Variants in LRP1B observed in about 807,000 individuals in gnomAD.
LRP1B encodes the protein LDL receptor related protein 1B, also known as low-density lipoprotein receptor-related protein 1B.
In LRP1B, 217 loss-of-function variants were observed where a neutral mutation model predicts 556.6. The ratio of observed to expected loss-of-function variants is 0.39; its 90% CI spans 0.35 to 0.44. LRP1B has a LOEUF of 0.44. Ranked by LOEUF, LRP1B falls within the 20% of genes least tolerant of loss-of-function variation. LRP1B has a pLI of 1.00. For synonymous variants in LRP1B, 2,047 were observed against 1,865.8 expected (o/e 1.10, Z -2.50); for missense variants, 5,053 against 5,620.8 (o/e 0.90, Z 3.23).
chr2:140,851,808 A>C lies in LRP1B; in HGVS notation c.4580-25T>G, dbSNP rs765856379. The C allele has an allele frequency of 1.9e-6, 3 of 1,578,426 alleles. No homozygotes were observed. In the African/African-American group the frequency reaches 4.1e-5, roughly 22 times the overall value. ...GCTGTAATTACACAGTGAAATATGA[A>C]CAGTGAAGAAGGAAGAATGTATTAG... On this transcript the variant is annotated intron_variant, in intron 27 of 90. Transcript: ENST00000389484.
At chr2:141,643,773 G>T (rs1866029) in intron 2 of LRP1B, among the ~76,000 whole-genome samples, 90,690 of 151,928 alleles carry the variant, frequency 0.6, 27,309 homozygotes, top group African/African-American at 0.67. Flanking sequence ...GATAGAGGAC[G>T]ATGCTGTGAC....
chr2:140,929,998 G>C (rs1695003483), intron 20 of LRP1B, among the ~76,000 whole-genome samples: 1 of 151,996 alleles, frequency 6.6e-6, no homozygotes, highest in South Asian at 2.1e-4. Flanking sequence ...GTTAACTGTT[G>C]TTGATTTTCC....
At chr2:140,709,221 G>T (rs897804126) in intron 37 of LRP1B, among the ~76,000 whole-genome samples, 1 of 152,064 alleles carries the variant, frequency 6.6e-6, no homozygotes, top group East Asian at 1.9e-4. Context: ...TGCTTAAAAG[G>T]AAATAAAATT....
At position 140,724,192 on chromosome 2, in the gene LRP1B, A is replaced by C. The variant is rs1184139577; in HGVS notation, c.5759-7376T>G. Reference sequence around the variant, plus strand: ...AGAGTTTATATACAATTCATTAAGAAGCTCAAGTTTGTCTGGGCACAGTGG... The same window carrying C: ...AGAGTTTATATACAATTCATTAAGACGCTCAAGTTTGTCTGGGCACAGTGG... On this transcript the variant is annotated intron_variant, in intron 35 of 90. Coordinates refer to ENST00000389484, the MANE Select transcript of LRP1B (RefSeq NM_018557.3). 2.0e-5 allele frequency among the ~76,000 whole-genome samples: 3 copies of C among 152,312 alleles called. No homozygotes were observed. In the East Asian group the frequency reaches 5.8e-4, roughly 29 times the overall value.
At chr2:141,167,305 G>GA (rs1398401789) in intron 7 of LRP1B, 1 of 151,810 alleles carries the variant, frequency 6.6e-6, no homozygotes, top group Non-Finnish European at 1.5e-5. Flanking sequence ...GGAGACAGAA[G>GA]AATCTTCTTT....
rs545809081 is a variant in LRP1B at position 141,761,036 on chromosome 2, CTG to C, written c.205+49241_205+49242del. Among the ~76,000 whole-genome samples the C allele has an allele frequency of 6.6e-5, 10 of 152,232 alleles. No individual in the cohort carries two copies. The South Asian group carries it at 2.1e-3, about 31-fold the overall frequency. On this transcript the variant is annotated intron_variant, in intron 2 of 90. Coordinates refer to ENST00000389484, the MANE Select transcript of LRP1B (RefSeq NM_018557.3). ...ATTTACGGAGTATGGGGTTGACAGA[CTG>C]AGTGATCCTGAAATCTGTAACATGA...
rs1700179337 is a variant in LRP1B at position 141,921,330 on chromosome 2, T to C, written c.83-110929A>G. On this transcript the variant is annotated intron_variant, in intron 1 of 90. Coordinates refer to ENST00000389484, the MANE Select transcript of LRP1B (RefSeq NM_018557.3). ...TTTATTTCAATAATCAGCTTTCTGG[T>C]AAAACTTAAATTATTTGTGCAGAAT... 2.0e-5 allele frequency among the ~76,000 whole-genome samples: 3 copies of C among 152,020 alleles called. No individual in the cohort carries two copies. The South Asian group carries it at 6.2e-4, about 31-fold the overall frequency.
At chr2:140,590,761 C>A (rs1275535962) in intron 43 of LRP1B, among the ~76,000 whole-genome samples, 2 of 152,022 alleles carry the variant, frequency 1.3e-5, no homozygotes, top group African/African-American at 4.8e-5. Context: ...TTTAAGCCAC[C>A]CAGTCTAAAG....
At chr2:141,700,343 T>C (rs1029878631) in intron 2 of LRP1B, among the ~76,000 whole-genome samples, 4 of 151,890 alleles carry the variant, frequency 2.6e-5, no homozygotes, top group Admixed American at 2.6e-4. Flanking sequence ...TTCCCAGTGC[T>C]TGGAATAGCA....
intron 3 of LRP1B, among the ~76,000 whole-genome samples, chr2:141,442,444 T>C (rs866845312): frequency 1.3e-4 from 18 of 141,338 alleles, no homozygotes; most frequent in Admixed American, 4.3e-4. Flanking sequence ...TTTTTTTTAA[T>C]TATACTTTAA....
chr2:140,733,670 A>T (rs1004836330), intron 35 of LRP1B, among the ~76,000 whole-genome samples: 6 of 152,188 alleles, frequency 3.9e-5, no homozygotes, highest in African/African-American at 1.4e-4. Context: ...AAAACTAATC[A>T]ATGGTGATAA....
intron 41 of LRP1B, among the ~76,000 whole-genome samples, chr2:140,609,037 A>T (rs986225468): frequency 1.3e-5 from 2 of 152,186 alleles, no homozygotes; most frequent in African/African-American, 4.8e-5. Flanking sequence ...TATATGTGAT[A>T]TCATTGTGTC....
intron 37 of LRP1B, among the ~76,000 whole-genome samples, chr2:140,703,462 T>C (rs1231455272): frequency 1.3e-5 from 2 of 152,170 alleles, no homozygotes; most frequent in Non-Finnish European, 2.9e-5. Flanking sequence ...ATATAATTCC[T>C]TCTTAATTCT....
chr2:140,727,491 C>T (rs1224404758), intron 35 of LRP1B, among the ~76,000 whole-genome samples: 1 of 152,148 alleles, frequency 6.6e-6, no homozygotes, highest in Non-Finnish European at 1.5e-5. Context: ...AAAGCAAGGT[C>T]AGTGAAGGTC....
At chr2:142,054,316 C>T (rs12998297) in intron 1 of LRP1B, among the ~76,000 whole-genome samples, 65,513 of 151,854 alleles carry the variant, frequency 0.43, 16,051 homozygotes, top group East Asian at 0.69. Context: ...AGATTTAAAT[C>T]TGCAGAGGAA....
chr2:140,765,370 G>A (rs1689065186), intron 35 of LRP1B, among the ~76,000 whole-genome samples: 1 of 152,148 alleles, frequency 6.6e-6, no homozygotes, highest in African/African-American at 2.4e-5. Context: ...AGTACCCCAA[G>A]GGGAGGGAGA....
chr2:141,167,285 T>C (rs1050032258), intron 7 of LRP1B: 7 of 151,874 alleles, frequency 4.6e-5, no homozygotes, highest in African/African-American at 1.7e-4. Context: ...ACAAATATCA[T>C]CTTTATGCAG....
At chr2:140,710,645 G>A (rs934682876) in intron 37 of LRP1B, among the ~76,000 whole-genome samples, 1 of 151,984 alleles carries the variant, frequency 6.6e-6, no homozygotes, top group Non-Finnish European at 1.5e-5. Flanking sequence ...GCTCACAGGA[G>A]CTATATAGAG....
At chr2:140,341,121 T>C (rs1681368687) in intron 77 of LRP1B, among the ~76,000 whole-genome samples, 1 of 151,636 alleles carries the variant, frequency 6.6e-6, no homozygotes, top group Non-Finnish European at 1.5e-5. Flanking sequence ...ATGAATGATC[T>C]ATATGATATA....
Sources: gnomAD v4.1 joint callset for allele counts (sites outside exome capture counted in the v4.1 genomes callset) on GRCh38, gnomAD v4.1.1 for gene constraint, MANE v1.5 for transcripts, NCBI Gene and HGNC (gene_info 2026-07-23, HGNC 2026-07-21) for gene names.